PARD3B: variants seen among roughly 807,000 people sequenced by gnomAD.
The protein encoded by PARD3B is par-3 family cell polarity regulator beta.
In PARD3B, 103 loss-of-function variants were observed where a neutral mutation model predicts 130.2. The ratio of observed to expected loss-of-function variants is 0.79; its 90% CI spans 0.67 to 0.93. The LOEUF (loss-of-function observed/expected upper bound fraction) is 0.93, where lower values mean the gene tolerates loss of function less well. Ranked by LOEUF, PARD3B falls within the 40% of genes least tolerant of loss-of-function variation. PARD3B has a pLI of 0.00. For synonymous variants in PARD3B, 583 were observed against 553.2 expected, an observed-to-expected ratio of 1.05 and a Z score of -0.76; for missense variants, 1,609 against 1,499.2, an observed-to-expected ratio of 1.07 and a Z score of -1.21.
chr2:204,630,729 T>C (rs2125138847), intron 1 of PARD3B, among the ~76,000 whole-genome samples: 2 of 152,296 alleles, frequency 1.3e-5, no homozygotes, highest in African/African-American at 4.8e-5. Flanking sequence ...TCTTTTCAAG[T>C]TCAGATTTTA....
At chr2:205,544,058 G>A (rs533273762) in intron 21 of PARD3B, among the ~76,000 whole-genome samples, 59 of 152,146 alleles carry the variant, frequency 3.9e-4, no homozygotes, top group Non-Finnish European at 7.4e-4. Context: ...GTCACAGAGT[G>A]TACAATAAAA....
intron 2 of PARD3B, 84 bp from the exon 3 acceptor site, chr2:204,965,068 A>G: frequency 7.3e-7 from 1 of 1,362,602 alleles, no homozygotes; most frequent in Non-Finnish European, 9.9e-7. Flanking sequence ...CTTTGCAACC[A>G]AATAAAGATC....
intron 2 of PARD3B, among the ~76,000 whole-genome samples, chr2:204,953,843 G>T (rs891082152): frequency 6.6e-6 from 1 of 152,132 alleles, no homozygotes; most frequent in Non-Finnish European, 1.5e-5. Context: ...ATAGTTTTAT[G>T]TGCTTATATT....
At chr2:205,340,411 C>T (rs1285029426) in intron 18 of PARD3B, among the ~76,000 whole-genome samples, 2 of 152,038 alleles carry the variant, frequency 1.3e-5, no homozygotes, top group Non-Finnish European at 2.9e-5. Flanking sequence ...TACACATAGA[C>T]CAATGGAACA....
chr2:204,847,603 C>G (rs1019679511), intron 2 of PARD3B, among the ~76,000 whole-genome samples: 4 of 152,156 alleles, frequency 2.6e-5, no homozygotes, highest in Non-Finnish European at 5.9e-5. Flanking sequence ...GAGCGTGAAT[C>G]ATCCTTTTGT....
At chr2:205,285,375 T>C (rs937418000) in intron 16 of PARD3B, among the ~76,000 whole-genome samples, 4 of 152,148 alleles carry the variant, frequency 2.6e-5, no homozygotes, top group African/African-American at 9.7e-5. Context: ...CTCAGAGCAA[T>C]TGAATCCTAG....
intron 16 of PARD3B, 149 bp downstream of exon 16, chr2:205,245,971 T>G (rs1574491791): frequency 1.6e-6 from 1 of 640,578 alleles, no homozygotes. Context: ...CAAAGATGAC[T>G]TATTGCTTGG....
chr2:205,429,100 A>G (rs2047241158), intron 19 of PARD3B, among the ~76,000 whole-genome samples: 1 of 152,248 alleles, frequency 6.6e-6, no homozygotes, highest in Non-Finnish European at 1.5e-5. Flanking sequence ...CAATATGTGC[A>G]AGAAAAAGTA....
At chr2:204,904,921 G>A (rs1383546418) in intron 2 of PARD3B, among the ~76,000 whole-genome samples, 1 of 152,184 alleles carries the variant, frequency 6.6e-6, no homozygotes, top group Non-Finnish European at 1.5e-5. Context: ...TAGAATGTAG[G>A]TGTGTTACTG....
chr2:205,476,364 A>C (rs547239041), intron 20 of PARD3B, among the ~76,000 whole-genome samples: 13 of 152,194 alleles, frequency 8.5e-5, no homozygotes, highest in African/African-American at 3.1e-4. Context: ...TTTTTTTCTT[A>C]AAAGAATCAC....
At chr2:204,558,978 A>T (rs1466324968) in intron 1 of PARD3B, among the ~76,000 whole-genome samples, 5 of 152,188 alleles carry the variant, frequency 3.3e-5, no homozygotes, top group African/African-American at 1.2e-4. Context: ...CTGGGAAAAC[A>T]GGCTAGTCAG....
At chr2:204,901,317 A>G (rs2125706086) in intron 2 of PARD3B, among the ~76,000 whole-genome samples, 1 of 152,184 alleles carries the variant, frequency 6.6e-6, no homozygotes, top group East Asian at 1.9e-4. Context: ...GCCACAAGAC[A>G]AAGTCCTTTC....
At chr2:205,400,983 T>G in intron 18 of PARD3B, 30 bp from the exon 19 acceptor site, 1 of 1,508,352 alleles carries the variant, frequency 6.6e-7, no homozygotes, top group South Asian at 1.2e-5. Context: ...GTGATTATTG[T>G]TAACAGCCTT....
intron 22 of PARD3B, among the ~76,000 whole-genome samples, chr2:205,554,116 G>A (rs950899816): frequency 7.9e-5 from 12 of 152,190 alleles, no homozygotes; most frequent in Admixed American, 5.2e-4. Flanking sequence ...GTCCAGCTAC[G>A]ATTGGAGTTA....
chr2:205,272,572 C>T (rs1376647651), intron 16 of PARD3B, among the ~76,000 whole-genome samples: 2 of 152,142 alleles, frequency 1.3e-5, no homozygotes, highest in African/African-American at 2.4e-5. Flanking sequence ...GCATCAAGGA[C>T]AGAGGAGGCA....
chr2:205,113,389 C>CGG, intron 5 of PARD3B, 102 bp from the exon 6 acceptor site: 2 of 563,592 alleles, frequency 3.5e-6, no homozygotes, highest in Non-Finnish European at 6.2e-6. Context: ...TAATCCTGAG[C>CGG]AGGGGTGTGT....
At chr2:204,640,623 C>G (rs1009063186) in intron 1 of PARD3B, among the ~76,000 whole-genome samples, 1 of 152,114 alleles carries the variant, frequency 6.6e-6, no homozygotes, top group African/African-American at 2.4e-5. Context: ...TTGATTTTGT[C>G]AACCTTGCCT....
At chr2:204,765,304 CA>C (rs1367279787) in intron 2 of PARD3B, among the ~76,000 whole-genome samples, 1 of 152,148 alleles carries the variant, frequency 6.6e-6, no homozygotes, top group Non-Finnish European at 1.5e-5. Flanking sequence ...TTGGAGGCCA[CA>C]GTCTGAGTTT....
chr2:204,639,243 GGGGC>G, intron 1 of PARD3B, among the ~76,000 whole-genome samples: 1 of 152,246 alleles, frequency 6.6e-6, no homozygotes, highest in South Asian at 2.1e-4. Context: ...AGTGAAAGAT[GGGGC>G]AGAACATAAG....
Sources: allele counts gnomAD v4.1 joint callset (sites outside exome capture counted in the v4.1 genomes callset), GRCh38; gene constraint gnomAD v4.1.1; transcripts MANE v1.5; gene names NCBI Gene and HGNC (gene_info 2026-07-23, HGNC 2026-07-21).